RFX6: variants seen among roughly 807,000 people sequenced by gnomAD.
RFX6 encodes the protein regulatory factor X6.
Under a neutral mutation model 110.8 loss-of-function variants are expected in RFX6, and 50 were observed. The ratio of observed to expected loss-of-function variants is 0.45; its 90% CI spans 0.36 to 0.57. The LOEUF (loss-of-function observed/expected upper bound fraction) is 0.57, where lower values mean the gene tolerates loss of function less well. Ranked by LOEUF, RFX6 falls within the 20% of genes least tolerant of loss-of-function variation. RFX6 has a pLI of 0.00. For missense variants in RFX6, 990 were observed against 1,127.0 expected (o/e 0.88, Z 1.74); for synonymous variants, 383 against 411.2 (o/e 0.93, Z 0.83).
rs1365557974 is a variant in RFX6, at chr6:116,920,174, C to T, written c.1183-136C>T. 5.4e-6 allele frequency: 4 copies of T among 741,086 alleles called. No individual in the cohort carries two copies. In the African/African-American group the frequency reaches 7.0e-5, roughly 13 times the overall value. 45.9% of individuals were successfully genotyped at this position (741,086 alleles called of 1,614,324 possible). On this transcript the variant is annotated intron_variant, in intron 11 of 18. Transcript: ENST00000332958. The stretch of plus-strand genomic sequence containing the variant: ...AGATGATCATGAGTCTCAGCTACTG[C>T]TTTTGTCTTTAAAATAAGAAAAAAG...
chr6:116,879,608 A>C (rs1562130984), intron 2 of RFX6, among the ~76,000 whole-genome samples: 1 of 152,072 alleles, frequency 6.6e-6, no homozygotes, highest in East Asian at 1.9e-4. Flanking sequence ...GGTTTCATCC[A>C]ATTTTAATCT....
At position 116,916,419 on chromosome 6, in the gene RFX6, G is replaced by A. The variant is rs540478255; in HGVS notation, c.972+105G>A. ...TCAGTAAATATGTTATTTATGGCTGGATATACACTGTCTTTTTTTTTGATG... is the reference window on the plus strand; with the variant it reads ...TCAGTAAATATGTTATTTATGGCTGAATATACACTGTCTTTTTTTTTGATG... On this transcript the variant is annotated intron_variant, in intron 9 of 18. Coordinates refer to ENST00000332958, the MANE Select transcript of RFX6 (RefSeq NM_173560.4). 1.0e-4 allele frequency: 79 copies of A among 784,482 alleles called. 1 individual carries two copies. In the African/African-American group the frequency reaches 1.2e-3, roughly 12 times the overall value. 48.6% of individuals were successfully genotyped at this position (784,482 alleles called of 1,614,324 possible).
At chr6:116,896,668 A>G (rs1329855228) in intron 6 of RFX6, among the ~76,000 whole-genome samples, 1 of 151,580 alleles carries the variant, frequency 6.6e-6, no homozygotes, top group Non-Finnish European at 1.5e-5. Flanking sequence ...TGATTGTGCC[A>G]CTGTATTCTA....
Position 116,928,765 on chromosome 6 carries a change from A to G in RFX6, c.2405A>G (p.Tyr802Cys), listed in dbSNP as rs1360893018. Residue 802 changes from tyrosine (Y) to cysteine (C), a missense_variant, in exon 18 of 19, where the codon TAT (tyrosine) becomes TGT (cysteine). Physicochemically the swap from Tyr to Cys is radical, Grantham distance 194 (BLOSUM62 -2). This residue lies in a region of RFX6 where 438 missense variants were observed against 441.9 expected (regional missense o/e 0.99). Coordinates refer to ENST00000332958, the MANE Select transcript of RFX6 (RefSeq NM_173560.4). ...TCAACATTTTCTGTTACAGGATACT[A>G]TGGAAGCAACATAAACTACCCAGAG... ...TLPPNSPNGYYGSNINYPESH... is the reference protein window; with the variant it reads ...TLPPNSPNGYCGSNINYPESH... 1.2e-6 allele frequency: 2 copies of G among 1,610,390 alleles called. No individual in the cohort carries two copies. Among genetic ancestry groups the G allele is most frequent in the African/African-American group, 2.7e-5 (2 of 74,842 alleles).
rs369919567 is a variant in RFX6, at chr6:116,910,997, C to G, written c.735C>G (p.Pro245=). ...CTGGAACACTTCTTCCAGAATTCCC[C>G]AGCGCTCAACACCTTGTATACCAAG... ...SKTGTLLPEF[P]SAQHLVYQGC... Residue 245 remains proline, a synonymous_variant, in exon 7 of 19, where the codon CCC becomes CCG. Transcript: ENST00000332958. 1.7e-5 allele frequency: 28 copies of G among 1,613,402 alleles called. No individual in the cohort carries two copies. In the African/African-American group the frequency reaches 3.6e-4, roughly 21 times the overall value.
chr6:116,906,053 T>A (rs1418401803), intron 6 of RFX6, among the ~76,000 whole-genome samples: 1 of 152,230 alleles, frequency 6.6e-6, no homozygotes, highest in Non-Finnish European at 1.5e-5. Flanking sequence ...AAGGTCTGAC[T>A]TTATTCCTTT....
intron 17 of RFX6, among the ~76,000 whole-genome samples, chr6:116,928,253 G>A (rs1195259575): frequency 1.3e-5 from 2 of 152,088 alleles, no homozygotes; most frequent in African/African-American, 4.8e-5. Context: ...GGAAGTTAAG[G>A]GAATTAGAGA....
chr6:116,890,822 G>T (rs1774813990), intron 4 of RFX6, among the ~76,000 whole-genome samples: 1 of 152,054 alleles, frequency 6.6e-6, no homozygotes, highest in Non-Finnish European at 1.5e-5. Context: ...TTGTATTTTG[G>T]ATGTAGGTAG....
intron 18 of RFX6, among the ~76,000 whole-genome samples, chr6:116,930,667 A>C (rs945764529): frequency 6.6e-6 from 1 of 152,086 alleles, no homozygotes; most frequent in Non-Finnish European, 1.5e-5. Flanking sequence ...TGAAGATCTG[A>C]GGGAGGAGTT....
chr6:116,907,664 A>G (rs943051713), intron 6 of RFX6, among the ~76,000 whole-genome samples: 1 of 152,124 alleles, frequency 6.6e-6, no homozygotes, highest in African/African-American at 2.4e-5. Flanking sequence ...ATCCTGGAAG[A>G]TGTCCCATGT....
At chr6:116,894,571 G>A (rs371873613) in intron 5 of RFX6, among the ~76,000 whole-genome samples, 28 of 152,182 alleles carry the variant, frequency 1.8e-4, no homozygotes, top group African/African-American at 6.3e-4. Flanking sequence ...GGTAAAACAT[G>A]AATGAAAATA....
intron 10 of RFX6, among the ~76,000 whole-genome samples, chr6:116,918,669 T>TG (rs1775526337): frequency 6.6e-6 from 1 of 151,926 alleles, no homozygotes; most frequent in African/African-American, 2.4e-5. Flanking sequence ...TTTAGTATTT[T>TG]GGGGGTACAA....
intron 15 of RFX6, 30 bp from the exon 16 acceptor site, chr6:116,925,423 C>G (rs1455342261): frequency 6.3e-7 from 1 of 1,579,522 alleles, no homozygotes; most frequent in South Asian, 1.1e-5. Context: ...GAAAAAATCT[C>G]AAATTTCCCA....
chr6:116,889,080 G>T (rs1459497305), intron 4 of RFX6, among the ~76,000 whole-genome samples: 2 of 152,052 alleles, frequency 1.3e-5, no homozygotes, highest in Non-Finnish European at 2.9e-5. Flanking sequence ...GCATTACAGT[G>T]GTCATTGCAA....
chr6:116,908,731 G>C (rs987175217), intron 6 of RFX6, among the ~76,000 whole-genome samples: 8 of 151,708 alleles, frequency 5.3e-5, no homozygotes, highest in African/African-American at 2.4e-5. Flanking sequence ...GATTGAGAGA[G>C]AGAGAGGCTA....
Position 116,911,063 on chromosome 6 carries a change from T to G in RFX6, c.780+21T>G, listed in dbSNP as rs117038787. The G allele has an allele frequency of 1.5e-3, 2,212 of 1,471,838 alleles. 5 individuals carry two copies. The highest frequency in any genetic ancestry group is 2.0e-3 in the Non-Finnish European group (2,112 of 1,050,346). The allele number at this position is 1,471,838 out of a possible 1,614,324, so 91.2% of individuals were successfully genotyped here. On this transcript the variant is annotated intron_variant, in intron 7 of 18. Coordinates refer to ENST00000332958, the MANE Select transcript of RFX6 (RefSeq NM_173560.4). ...ACAAGGTATCAATTACAGATACTTCTCTATTGATTTTCTGATATGTTGGCT... is the reference window on the plus strand; with the variant it reads ...ACAAGGTATCAATTACAGATACTTCGCTATTGATTTTCTGATATGTTGGCT...
chr6:116,927,643 G>A (rs1450094557), intron 17 of RFX6, 104 bp downstream of exon 17: 9 of 912,362 alleles, frequency 9.9e-6, no homozygotes, highest in Non-Finnish European at 1.6e-5. Flanking sequence ...TTCATTTAAG[G>A]CTTCCAAAGA....
intron 4 of RFX6, among the ~76,000 whole-genome samples, chr6:116,887,890 C>T (rs142289074): frequency 6.6e-6 from 1 of 152,296 alleles, no homozygotes; most frequent in East Asian, 1.9e-4. Context: ...TAAAGGAGAA[C>T]ATAATTGAGC....
chr6:116,884,627 G>A (rs534246022), intron 4 of RFX6, among the ~76,000 whole-genome samples: 3 of 152,246 alleles, frequency 2.0e-5, no homozygotes, highest in South Asian at 2.1e-4. Context: ...AAAAGAGGCC[G>A]AGCAATGAAG....
Sources: gnomAD v4.1 joint callset for allele counts (sites outside exome capture counted in the v4.1 genomes callset) on GRCh38, gnomAD v4.1.1 for gene constraint, gnomAD v4.1.1 regional missense constraint, MANE v1.5 for transcripts, NCBI Gene and HGNC (gene_info 2026-07-23, HGNC 2026-07-21) for gene names.